CD226: variants seen among roughly 807,000 people sequenced by gnomAD.
CD226 encodes CD226 antigen.
Under a neutral mutation model 34.9 loss-of-function variants are expected in CD226, and 24 were observed. That is an observed-to-expected ratio of 0.69 (90% CI 0.50 to 0.97). The LOEUF is 0.97. CD226 is among the 50% of genes least tolerant of loss of function. The pLI, the probability that CD226 is intolerant of heterozygous loss-of-function variation, is 0.00. For missense variants in CD226, 397 were observed against 412.7 expected (o/e 0.96, Z 0.33); for synonymous variants, 148 against 147.4 (o/e 1.00, Z -0.03).
intron 3 of CD226, among the ~76,000 whole-genome samples, chr18:69,882,830 A>T (rs1490096162): frequency 6.6e-6 from 1 of 152,184 alleles, no homozygotes; most frequent in East Asian, 1.9e-4. Flanking sequence ...GGCCCAGCTA[A>T]CATTTTTTTA....
intron 3 of CD226, among the ~76,000 whole-genome samples, chr18:69,875,063 A>G (rs1983778493): frequency 6.6e-6 from 1 of 152,220 alleles, no homozygotes; most frequent in African/African-American, 2.4e-5. Flanking sequence ...TTTCTTCAAG[A>G]TACTGACCTC....
intron 3 of CD226, among the ~76,000 whole-genome samples, chr18:69,890,334 C>T (rs186091412): frequency 6.6e-6 from 1 of 152,204 alleles, no homozygotes; most frequent in Admixed American, 6.5e-5. Context: ...TGGTGGTTCA[C>T]ACTACCAATC....
At chr18:69,898,093 TTAAAA>T (rs572928065) in intron 2 of CD226, among the ~76,000 whole-genome samples, 35 of 148,606 alleles carry the variant, frequency 2.4e-4, no homozygotes, top group Middle Eastern at 3.4e-3. Flanking sequence ...AAAAGGAAAA[TTAAAA>T]TAAAAATTAA....
intron 3 of CD226, among the ~76,000 whole-genome samples, chr18:69,889,592 A>T (rs946266816): frequency 4.6e-5 from 7 of 152,228 alleles, no homozygotes; most frequent in African/African-American, 1.7e-4. Context: ...AGGCCAAGGA[A>T]ATAAGCAAAA....
intron 2 of CD226, among the ~76,000 whole-genome samples, chr18:69,920,599 T>C (rs930980315): frequency 6.6e-6 from 1 of 152,216 alleles, no homozygotes; most frequent in Admixed American, 6.5e-5. Flanking sequence ...CATTCTTCTA[T>C]ATGTTGTTAT....
At chr18:69,872,990 G>A (rs191435066) in intron 4 of CD226, among the ~76,000 whole-genome samples, 154 bp downstream of exon 4, 14 of 152,280 alleles carry the variant, frequency 9.2e-5, no homozygotes, top group Non-Finnish European at 2.9e-5. Context: ...AGCTCTCCCT[G>A]TAACATTACC....
At chr18:69,947,247 A>T in intron 1 of CD226, 114 bp downstream of exon 1, 4 of 940,502 alleles carry the variant, frequency 4.3e-6, no homozygotes, top group Middle Eastern at 3.0e-4. Flanking sequence ...TTTTCTGAAC[A>T]AGTGAGAAAT....
In CD226 at chr18:69,895,940, A is replaced by T. The variant is rs769947157; in HGVS notation, c.488T>A (p.Val163Glu). The T allele has an allele frequency of 1.2e-6, 2 of 1,614,104 alleles. No individual in the cohort carries two copies. The highest frequency in any genetic ancestry group is 1.1e-5 in the South Asian group (1 of 91,086). Residue 163 changes from valine to glutamate, a missense_variant, in exon 3 of 6, where the codon GTG becomes GAG. By Grantham distance (121) the Val-to-Glu change is moderately radical. Transcript: ENST00000582621. ...ACGGGGCTGGATCTTTTCCCACCTCACTGCCTGCACAGGCCACGTCATCTG... is the reference window on the plus strand; with the variant it reads ...ACGGGGCTGGATCTTTTCCCACCTCTCTGCCTGCACAGGCCACGTCATCTG... ...QPQMTWPVQA[V>E]RWEKIQPRQI...
intron 3 of CD226, among the ~76,000 whole-genome samples, chr18:69,876,855 CTTTTTTTTTTTTTTTT>C (rs10618085): frequency 4.7e-5 from 3 of 64,076 alleles, no homozygotes; most frequent in Admixed American, 2.0e-4. Context: ...GCCTCTAGAA[CTTTTTTTTTTTTTTTT>C]TTTTTTTTTT....
chr18:69,873,362 C>T (rs1004539754), intron 3 of CD226, 116 bp from the exon 4 acceptor site: 33 of 584,586 alleles, frequency 5.6e-5, no homozygotes, highest in African/African-American at 5.5e-4. Context: ...ACAAAGAATC[C>T]AACAAAAAAA....
At chr18:69,891,594 T>C (rs1448969372) in intron 3 of CD226, among the ~76,000 whole-genome samples, 2 of 151,982 alleles carry the variant, frequency 1.3e-5, no homozygotes, top group African/African-American at 2.4e-5. Context: ...ACCCTAAAAG[T>C]GCCACAAAAA....
chr18:69,952,314 A>G (rs1277833120), upstream of CD226, among the ~76,000 whole-genome samples: 7 of 152,234 alleles, frequency 4.6e-5, no homozygotes, highest in Admixed American at 2.6e-4. Flanking sequence ...GAAATTACTT[A>G]ATGTGTACAA....
chr18:69,920,880 CACA>C (rs1414955964), intron 2 of CD226, among the ~76,000 whole-genome samples: 1 of 152,148 alleles, frequency 6.6e-6, no homozygotes, highest in Non-Finnish European at 1.5e-5. Flanking sequence ...TAGCATCTAG[CACA>C]ACATGTTCCC....
chr18:69,947,172 G>C, intron 1 of CD226, 103 bp from the exon 2 acceptor site: 2 of 1,059,048 alleles, frequency 1.9e-6, no homozygotes, highest in Non-Finnish European at 1.4e-6. Flanking sequence ...CACAGTAAAG[G>C]CTGACAGTTT....
intron 1 of CD226, among the ~76,000 whole-genome samples, chr18:69,954,457 A>T (rs2055880040): frequency 6.6e-6 from 1 of 152,130 alleles, no homozygotes; most frequent in Non-Finnish European, 1.5e-5. Flanking sequence ...AGTGGGGTAG[A>T]GGTGCAGGTA....
chr18:69,893,011 C>T (rs1035520221), intron 3 of CD226, among the ~76,000 whole-genome samples: 6 of 152,124 alleles, frequency 3.9e-5, no homozygotes, highest in South Asian at 4.1e-4. Context: ...AGCCTCAAGA[C>T]GTGAAATAAT....
At chr18:69,961,583 G>A (rs989391106), upstream of CD226, 1 of 152,130 alleles carries the variant, frequency 6.6e-6, no homozygotes, top group African/African-American at 2.4e-5. Flanking sequence ...TCCACACCCT[G>A]GTTCTTACCT....
intron 3 of CD226, among the ~76,000 whole-genome samples, chr18:69,883,056 A>G (rs1984356824): frequency 6.6e-6 from 1 of 152,196 alleles, no homozygotes; most frequent in South Asian, 2.1e-4. Flanking sequence ...TTTTGTGTTC[A>G]TGTCTGTAGA....
rs78434593 is a variant in CD226, at chr18:69,856,292, C to T, written c.*8022G>A. The T allele has an allele frequency of 6.8e-4, 103 of 152,220 alleles. 1 individual carries two copies. The highest frequency in any genetic ancestry group is 2.4e-3 in the African/African-American group (100 of 41,542). 9.4% of individuals were successfully genotyped at this position (152,220 alleles called of 1,614,324 possible). A position where few individuals can be genotyped will look rare whatever the true frequency, so the allele number is the denominator to read the frequency against. ...ATGTACTAACAAGAGTATCAAGATACATGAGACAAAAACTAACAAAACTGC... is the reference window on the plus strand; with the variant it reads ...ATGTACTAACAAGAGTATCAAGATATATGAGACAAAAACTAACAAAACTGC... On this transcript the variant is annotated 3_prime_UTR_variant, in exon 6 of 6. Transcript: ENST00000582621.
Sources: gnomAD v4.1 joint callset for allele counts (sites outside exome capture counted in the v4.1 genomes callset) on GRCh38, gnomAD v4.1.1 for gene constraint, MANE v1.5 for transcripts, NCBI Gene and HGNC (gene_info 2026-07-23, HGNC 2026-07-21) for gene names.